PRR5: variants seen among roughly 807,000 people sequenced by gnomAD.
PRR5 encodes proline rich 5, also known as proline-rich protein 5.
Under a neutral mutation model 30.6 loss-of-function variants are expected in PRR5, and 25 were observed. The ratio of observed to expected loss-of-function variants is 0.82; its 90% CI spans 0.60 to 1.14. The LOEUF is 1.14. Ranked by LOEUF, PRR5 falls within the 50% of genes most tolerant of loss-of-function variation. PRR5 has a pLI of 0.00. For synonymous variants in PRR5, 286 were observed against 247.1 expected, an observed-to-expected ratio of 1.16 and a Z score of -1.48; for missense variants, 600 against 547.1, an observed-to-expected ratio of 1.10 and a Z score of -0.96.
chr22:44,674,676 G>T (rs1051186470), upstream of PRR5, among the ~76,000 whole-genome samples: 2 of 149,956 alleles, frequency 1.3e-5, no homozygotes, highest in Admixed American at 1.3e-4. Context: ...AGCCAAGACC[G>T]CCACTGCACT....
chr22:44,676,421 AAAGAAAAGAGAAGAG>A (rs1269303981), upstream of PRR5, among the ~76,000 whole-genome samples: 2 of 149,424 alleles, frequency 1.3e-5, no homozygotes, highest in Non-Finnish European at 3.0e-5. Context: ...AAAAAGAAAG[AAAGAAAAGAGAAGAG>A]AAGAAAAGAA....
rs942455588 is a variant in PRR5 at position 44,702,580 on chromosome 22, C to G, written c.106C>G (p.Arg36Gly). The change falls in exon 1 of 8, where the codon CGG becomes GGG. Residue 36 changes from arginine to glycine, a missense_variant. Physicochemically the swap from Arg to Gly is moderately radical, Grantham distance 125. Transcript: ENST00000336985. ...AADERGTQQR[R>G]ACANATWNSI... ...GGACGAGCGGGGCACGCAGCAGCGC[C>G]GGGCCTGCGCCAACGCCACCTGGAA... is the stretch of plus-strand genomic sequence containing the variant. The G allele has an allele frequency of 5.8e-6, 8 of 1,390,482 alleles. No individual in the cohort carries two copies. The highest frequency in any genetic ancestry group is 1.6e-5 in the South Asian group (1 of 62,960). The allele number at this position is 1,390,482 out of a possible 1,614,324, so 86.1% of individuals were successfully genotyped here. A position where few individuals can be genotyped will look rare whatever the true frequency, so the allele number is the denominator to read the frequency against.
intron 1 of PRR5, chr22:44,679,720 TAAC>T: frequency 2.5e-6 from 3 of 1,213,640 alleles, no homozygotes; most frequent in Admixed American, 5.0e-5. Flanking sequence ...ATAATAATAA[TAAC>T]AATAATAGTA....
At position 44,737,254 on chromosome 22, in the gene PRR5, A is replaced by G; in HGVS notation, c.*7A>G. The G allele has an allele frequency of 6.3e-7, 1 of 1,588,842 alleles. No individual in the cohort carries two copies. Among genetic ancestry groups the G allele is most frequent in the South Asian group, 1.1e-5 (1 of 89,072 alleles). ...CCGGCAGAGTGTCGTGTGAGGCCTC[A>G]CAGCTGGCCTTGAGTTTTTACTGAC... On this transcript the variant is annotated 3_prime_UTR_variant, in exon 8 of 8. Transcript: ENST00000336985.
At position 44,712,449 on chromosome 22, in the gene PRR5, G is replaced by A. The variant is rs1046720938; in HGVS notation, c.135-2142G>A. On this transcript the variant is annotated intron_variant, in intron 1 of 7. Transcript: ENST00000336985. ...ACCCTGCCCTGCGCCAGCGAGGACA[G>A]GGAGGATAGGGAGACGGGAAGCCCT... Among the ~76,000 whole-genome samples the A allele has an allele frequency of 9.2e-5, 14 of 152,304 alleles. No individual in the cohort carries two copies. The South Asian group carries it at 2.9e-3, about 32-fold the overall frequency.
At chr22:44,710,547 C>T (rs746659118) in intron 1 of PRR5, among the ~76,000 whole-genome samples, 1 of 152,214 alleles carries the variant, frequency 6.6e-6, no homozygotes, top group Non-Finnish European at 1.5e-5. Context: ...GCTGGGGTTT[C>T]GTTTCTGTTT....
upstream of PRR5, among the ~76,000 whole-genome samples, chr22:44,698,516 C>T (rs989475632): frequency 1.3e-5 from 2 of 152,140 alleles, no homozygotes; most frequent in African/African-American, 4.8e-5. Flanking sequence ...CACAAATGAG[C>T]CCTGCCCAGG....
intron 1 of PRR5, among the ~76,000 whole-genome samples, chr22:44,689,126 T>C (rs751359878): frequency 1.3e-5 from 2 of 152,136 alleles, no homozygotes; most frequent in Non-Finnish European, 2.9e-5. Flanking sequence ...GGAGGGAATT[T>C]TTAGGTTTTC....
upstream of PRR5, among the ~76,000 whole-genome samples, chr22:44,698,731 G>C (rs1264096506): frequency 6.6e-6 from 1 of 152,238 alleles, no homozygotes; most frequent in African/African-American, 2.4e-5. Context: ...CCGGGTTTCT[G>C]TGTCAATCTC....
At chr22:44,734,932 G>C in intron 6 of PRR5, 95 bp from the exon 7 acceptor site, 1 of 1,449,980 alleles carries the variant, frequency 6.9e-7, no homozygotes, top group South Asian at 1.3e-5. Flanking sequence ...GGAGGCAGAG[G>C]ACAGGCTGTC....
chr22:44,690,848 G>A (rs923746308), intron 1 of PRR5, among the ~76,000 whole-genome samples: 5 of 152,148 alleles, frequency 3.3e-5, no homozygotes, highest in African/African-American at 1.2e-4. Flanking sequence ...CTGGTTCGGG[G>A]GGTGGCGGGA....
In PRR5 at chr22:44,731,452, G is replaced by A. The variant is rs116679098; in HGVS notation, c.323-278G>A. The stretch of plus-strand genomic sequence containing the variant: ...GTCATCTGCCAGGAGCAGACCCTGA[G>A]CCAAGTTCCCTGTGCCTTAGGCTCA... On this transcript the variant is annotated intron_variant, in intron 4 of 7. Transcript: ENST00000336985. 5.4e-3 allele frequency: 2,851 copies of A among 526,786 alleles called. 75 individuals carry two copies. The highest frequency in any genetic ancestry group is 0.049 in the African/African-American group (2,584 of 52,560). 32.6% of individuals were successfully genotyped at this position (526,786 alleles called of 1,614,324 possible).
At chr22:44,695,088 T>C (rs987603087) in intron 1 of PRR5, among the ~76,000 whole-genome samples, 1 of 152,116 alleles carries the variant, frequency 6.6e-6, no homozygotes, top group Non-Finnish European at 1.5e-5. Flanking sequence ...AGAGAATCGC[T>C]TGAACCCAGG....
intron 6 of PRR5, among the ~76,000 whole-genome samples, chr22:44,732,662 A>G (rs1480777210): frequency 6.6e-6 from 1 of 152,136 alleles, no homozygotes; most frequent in East Asian, 1.9e-4. Context: ...GCCCACCCCC[A>G]GCACGCACAC....
intron 2 of PRR5, among the ~76,000 whole-genome samples, chr22:44,723,241 C>G (rs1157954715): frequency 6.6e-6 from 1 of 151,990 alleles, no homozygotes; most frequent in African/African-American, 2.4e-5. Flanking sequence ...ACCTTGGCCT[C>G]CCAAAGTGAT....
upstream of PRR5, among the ~76,000 whole-genome samples, chr22:44,698,572 A>G (rs1038904654): frequency 1.3e-5 from 2 of 152,070 alleles, no homozygotes; most frequent in Non-Finnish European, 2.9e-5. Context: ...CCCCCTCCTC[A>G]GACCCAGAAA....
intron 1 of PRR5, among the ~76,000 whole-genome samples, chr22:44,707,524 C>G (rs911052382): frequency 6.6e-6 from 1 of 152,236 alleles, no homozygotes; most frequent in Non-Finnish European, 1.5e-5. Context: ...CCTCTGCCTC[C>G]TGGCAGGGAT....
Position 44,702,446 on chromosome 22 carries a change from TG to T in PRR5, c.-26del. On this transcript the variant is annotated 5_prime_UTR_variant, in exon 1 of 8. Coordinates refer to ENST00000336985, the MANE Select transcript of PRR5 (RefSeq NM_181333.4). ...CGCAGGGCGCGGCGTGGGGCGCGCG[TG>T]GGCGCGGCGCAGGCGGCCCGGGTCA... 1 of 1,306,024 alleles carries T rather than the reference TG, an allele frequency of 7.7e-7. No homozygotes were observed. The highest frequency in any genetic ancestry group is 9.8e-7 in the Non-Finnish European group (1 of 1,024,008). The allele number at this position is 1,306,024 out of a possible 1,614,324, so 80.9% of individuals were successfully genotyped here.
At chr22:44,693,198 G>C (rs1925436472) in intron 1 of PRR5, among the ~76,000 whole-genome samples, 1 of 152,166 alleles carries the variant, frequency 6.6e-6, no homozygotes, top group Non-Finnish European at 1.5e-5. Context: ...TCTGGAGGCT[G>C]AAAGTCTGAA....
Sources: gnomAD v4.1 joint callset for allele counts (sites outside exome capture counted in the v4.1 genomes callset) on GRCh38, gnomAD v4.1.1 for gene constraint, MANE v1.5 for transcripts, NCBI Gene and HGNC (gene_info 2026-07-23, HGNC 2026-07-21) for gene names.